CRYL1: variants seen among roughly 807,000 people sequenced by gnomAD.
The protein encoded by CRYL1 is lambda-crystallin homolog.
A neutral mutation model predicts 36.6 loss-of-function variants in CRYL1; 29 were observed. The observed-to-expected ratio is 0.79, with a 90% CI of 0.59 to 1.08. The LOEUF (loss-of-function observed/expected upper bound fraction) is 1.08. CRYL1 is among the 50% of genes least tolerant of loss of function. CRYL1 has a pLI of 0.00. For synonymous variants in CRYL1, 152 were observed against 151.5 expected (o/e 1.00, Z -0.02); for missense variants, 411 against 407.9 (o/e 1.01, Z -0.06).
intron 2 of CRYL1, among the ~76,000 whole-genome samples, chr13:20,511,503 C>A (rs2033917553): frequency 6.6e-6 from 1 of 152,178 alleles, no homozygotes; most frequent in Non-Finnish European, 1.5e-5. Context: ...TAAAACAACA[C>A]CAGGTTAGGG....
chr13:20,443,079 T>C (rs900622457), intron 3 of CRYL1, among the ~76,000 whole-genome samples: 1 of 152,218 alleles, frequency 6.6e-6, no homozygotes, highest in Non-Finnish European at 1.5e-5. Context: ...GGCATTACTT[T>C]TAGTGCTCTC....
intron 3 of CRYL1, among the ~76,000 whole-genome samples, chr13:20,469,367 C>T (rs1169868293): frequency 6.6e-6 from 1 of 152,220 alleles, no homozygotes; most frequent in Non-Finnish European, 1.5e-5. Flanking sequence ...CAATGTTTTA[C>T]ACCTCTGAAC....
chr13:20,412,925 T>C (rs1233313265), intron 6 of CRYL1, among the ~76,000 whole-genome samples: 1 of 152,210 alleles, frequency 6.6e-6, no homozygotes, highest in Non-Finnish European at 1.5e-5. Flanking sequence ...CCCTATCTTT[T>C]CGTCTTGCCT....
chr13:20,501,907 A>G (rs2033710091), intron 2 of CRYL1, among the ~76,000 whole-genome samples: 1 of 152,150 alleles, frequency 6.6e-6, no homozygotes, highest in African/African-American at 2.4e-5. Flanking sequence ...AAAAATCTTT[A>G]ATTAAGTTAC....
In CRYL1 at chr13:20,525,694, A is replaced by G; in HGVS notation, c.41+60T>C. Reference sequence around the variant, plus strand: ...CACCCCGAGGGCCCCACGCGAGGGCACCACGTCCCCGGCGTCTCCCCGGGC... The same window carrying G: ...CACCCCGAGGGCCCCACGCGAGGGCGCCACGTCCCCGGCGTCTCCCCGGGC... On this transcript the variant is annotated intron_variant, in intron 1 of 7. Coordinates refer to ENST00000298248, the MANE Select transcript of CRYL1 (RefSeq NM_015974.3). This position sits in a 1 kb window ranked among gnomAD's most constrained non-coding sequence, Gnocchi z 4.3. 7.7e-7 allele frequency: 1 copy of G among 1,298,430 alleles called. No homozygotes were observed. Among genetic ancestry groups the G allele is most frequent in the African/African-American group, 1.5e-5 (1 of 64,730 alleles). The allele number at this position is 1,298,430 out of a possible 1,614,324, so 80.4% of individuals were successfully genotyped here.
At chr13:20,439,805 C>T (rs371325862) in intron 3 of CRYL1, 51 bp from the exon 4 acceptor site, 20 of 1,521,218 alleles carry the variant, frequency 1.3e-5, no homozygotes, top group Non-Finnish European at 1.7e-5. Flanking sequence ...ACTCAGGCCC[C>T]AAGCAAAGCA....
chr13:20,437,813 AG>A (rs2032264428), intron 4 of CRYL1, among the ~76,000 whole-genome samples: 1 of 152,172 alleles, frequency 6.6e-6, no homozygotes. Context: ...CAAATAACTC[AG>A]GAGGTATTTT....
At chr13:20,406,487 G>A (rs763716151) in intron 6 of CRYL1, among the ~76,000 whole-genome samples, 4 of 152,162 alleles carry the variant, frequency 2.6e-5, no homozygotes, top group Non-Finnish European at 4.4e-5. Context: ...GTTTATAAAA[G>A]AAGGGGTGTC....
At chr13:20,463,048 A>G (rs7332337) in intron 3 of CRYL1, among the ~76,000 whole-genome samples, 146,162 of 152,258 alleles carry the variant, frequency 0.96, 70,421 homozygotes, top group East Asian at 1. Flanking sequence ...AACTAAGAAG[A>G]AACGGCAGCA....
At chr13:20,503,831 G>A (rs2033745574) in intron 2 of CRYL1, among the ~76,000 whole-genome samples, 1 of 152,166 alleles carries the variant, frequency 6.6e-6, no homozygotes, top group Non-Finnish European at 1.5e-5. Context: ...TTAAAAACAG[G>A]TCAGAGACCC....
At chr13:20,483,312 T>C (rs148752738) in intron 3 of CRYL1, among the ~76,000 whole-genome samples, 114 of 152,260 alleles carry the variant, frequency 7.5e-4, no homozygotes, top group African/African-American at 2.6e-3. Flanking sequence ...ACAATTAAGA[T>C]ACAGCAAGTA....
rs1565957143 is a variant in CRYL1 at position 20,417,295 on chromosome 13, AATAATC to A, written c.634-3914_634-3909del. Among the ~76,000 whole-genome samples, 5 of 152,224 alleles carry A rather than the reference AATAATC, an allele frequency of 3.3e-5. No individual in the cohort carries two copies. The East Asian group carries it at 9.6e-4, about 29-fold the overall frequency. ...GCCTAATATTATCATAACAATGACA[AATAATC>A]ATTTGTCATTGATAAATAATCGCAG... is the stretch of plus-strand genomic sequence containing the variant. On this transcript the variant is annotated intron_variant, in intron 5 of 7. Coordinates refer to ENST00000298248, the MANE Select transcript of CRYL1 (RefSeq NM_015974.3).
rs7139733 is a variant in CRYL1, at chr13:20,512,460, G to A, written c.132C>T (p.Asn44=). Residue 44 remains asparagine (N), a synonymous_variant, in exon 2 of 8, where the codon AAC becomes AAT. Coordinates refer to ENST00000298248, the MANE Select transcript of CRYL1 (RefSeq NM_015974.3). ...TGGCCCACCTGATGTTTTCCAGGGC[G>A]TTCCTTATCTGCTGTTGCTCAATGT... ...LYDIEQQQIR[N]ALENIRKEMK... 0.13 allele frequency: 216,056 copies of A among 1,611,866 alleles called. 15,391 individuals are homozygous for A. The highest frequency in any genetic ancestry group is 0.15 in the African/African-American group (11,433 of 74,952).
At chr13:20,506,603 C>T (rs1193014518) in intron 2 of CRYL1, among the ~76,000 whole-genome samples, 1 of 151,800 alleles carries the variant, frequency 6.6e-6, no homozygotes, top group Admixed American at 6.6e-5. Context: ...CCTGAAAGGA[C>T]TTTAAAAATC....
At chr13:20,439,793 C>G in intron 3 of CRYL1, 39 bp from the exon 4 acceptor site, 2 of 1,571,960 alleles carry the variant, frequency 1.3e-6, no homozygotes, top group Non-Finnish European at 1.7e-6. Flanking sequence ...CATGACCACT[C>G]GACTCAGGCC....
At chr13:20,507,954 T>C (rs1429967885) in intron 2 of CRYL1, among the ~76,000 whole-genome samples, 1 of 148,464 alleles carries the variant, frequency 6.7e-6, no homozygotes, top group African/African-American at 2.5e-5. Context: ...AAAAAGTCCA[T>C]GCCTGGCCAG....
At chr13:20,516,539 G>C (rs2034001017) in intron 1 of CRYL1, among the ~76,000 whole-genome samples, 1 of 151,948 alleles carries the variant, frequency 6.6e-6, no homozygotes, top group Non-Finnish European at 1.5e-5. Flanking sequence ...GAGTGCTGTG[G>C]GGGTATCTCG....
intron 2 of CRYL1, among the ~76,000 whole-genome samples, chr13:20,499,521 C>T (rs994438336): frequency 1.3e-5 from 2 of 151,388 alleles, no homozygotes; most frequent in African/African-American, 4.9e-5. Context: ...GGCGTGGTGG[C>T]AGGCGCCTGT....
chr13:20,437,611 G>A (rs920665119), intron 4 of CRYL1, among the ~76,000 whole-genome samples: 8 of 152,120 alleles, frequency 5.3e-5, no homozygotes, highest in African/African-American at 1.9e-4. Context: ...ACTTTATGCT[G>A]TTTCATTAAA....
Sources: allele counts gnomAD v4.1 joint callset (sites outside exome capture counted in the v4.1 genomes callset), GRCh38; gene constraint gnomAD v4.1.1; non-coding constraint Gnocchi (gnomAD v3.1); transcripts MANE v1.5; gene names NCBI Gene and HGNC (gene_info 2026-07-23, HGNC 2026-07-21).